The following ZNF417 variants were observed in gnomAD, a reference collection of about 807,000 sequenced individuals.
ZNF417 encodes the protein zinc finger protein 417.
A neutral mutation model predicts 7.4 loss-of-function variants in ZNF417; 5 were observed. The observed-to-expected ratio is 0.68, with a 90% confidence interval of 0.35 to 1.43. The LOEUF (loss-of-function observed/expected upper bound fraction) is 1.43, where lower values mean the gene tolerates loss of function less well. Among genes scored for constraint, ZNF417 ranks in the 40% most tolerant of loss-of-function variants. ZNF417 has a pLI of 0.04. For missense variants in ZNF417, 437 were observed against 697.3 expected (o/e 0.63, Z 4.20); for synonymous variants, 147 against 239.1 (o/e 0.61, Z 3.55).
Position 57,916,432 on chromosome 19 carries a change from G to A in ZNF417, c.-21C>T, listed in dbSNP as rs376922713. 2 of 1,613,878 alleles carry A rather than the reference G, an allele frequency of 1.2e-6. No individual in the cohort carries two copies. The highest frequency in any genetic ancestry group is 2.7e-5 in the African/African-American group (2 of 74,950). On this transcript the variant is annotated 5_prime_UTR_variant, in exon 1 of 3. Transcript: ENST00000312026. ...GCCATCGGACTACTTGGGGAAGCACGGCCCGGGAGCAGTGGTCGCCGTCAC... is the reference window on the plus strand; with the variant it reads ...GCCATCGGACTACTTGGGGAAGCACAGCCCGGGAGCAGTGGTCGCCGTCAC...
At position 57,910,305 on chromosome 19, in the gene ZNF417, G is replaced by C. The variant is rs541051597; in HGVS notation, c.164-191C>G. 3.3e-5 allele frequency among the ~76,000 whole-genome samples: 5 copies of C among 151,752 alleles called. No individual in the cohort carries two copies. The East Asian group carries it at 9.8e-4, about 30-fold the overall frequency. ...TCACGCCTGTAATCCCAGCACTTTG[G>C]GAGGCTGAGGCGGGTGGATCACCTG... On this transcript the variant is annotated intron_variant, in intron 2 of 2. Coordinates refer to ENST00000312026, the MANE Select transcript of ZNF417 (RefSeq NM_152475.3).
intron 1 of ZNF417, among the ~76,000 whole-genome samples, chr19:57,913,427 A>G (rs1275676612): frequency 6.6e-6 from 1 of 152,160 alleles, no homozygotes; most frequent in South Asian, 2.1e-4. Context: ...CCTCAGCTGT[A>G]GCAACCCTCC....
At chr19:57,915,564 C>A (rs1407283277) in intron 1 of ZNF417, 4 of 414,720 alleles carry the variant, frequency 9.6e-6, no homozygotes, top group African/African-American at 4.2e-5. Context: ...AGAAATCAGA[C>A]CTTACTGACT....
intron 2 of ZNF417, 70 bp from the exon 3 acceptor site, chr19:57,910,184 C>A: frequency 2.0e-6 from 3 of 1,535,812 alleles, no homozygotes; most frequent in Middle Eastern, 1.8e-4. Flanking sequence ...CCCACAAGTA[C>A]GTCTCACAAA....
In ZNF417 at chr19:57,909,018, T is replaced by A. The variant is rs1440477143; in HGVS notation, c.1260A>T (p.Arg420Ser). The change falls in exon 3 of 3, where the codon AGA becomes AGT. Residue 420 changes from arginine (R) to serine (S), a missense_variant. Arg to Ser is a moderately radical substitution (Grantham distance 110). Transcript: ENST00000312026. ...CKECGKSFRY[R>S]SHLTEHQRLH... ...GTCTCTGGTGTTCAGTGAGGTGGGA[T>A]CTGTACCTAAATGATTTCCCACATT... 3.1e-6 allele frequency: 5 copies of A among 1,612,612 alleles called. No individual in the cohort carries two copies. The highest frequency in any genetic ancestry group is 8.5e-7 in the Non-Finnish European group (1 of 1,179,008).
rs755830527 is a variant in ZNF417, at chr19:57,908,755, T to C, written c.1523A>G (p.His508Arg). 6.2e-7 allele frequency: 1 copy of C among 1,613,412 alleles called. No homozygotes were observed. The highest frequency in any genetic ancestry group is 8.5e-7 in the Non-Finnish European group (1 of 1,179,624). ...TCCAGAATGAACTCTTTTATGAACATGAAGCGCAGAGCTGGAAAGAAATGA... is the reference window on the plus strand; with the variant it reads ...TCCAGAATGAACTCTTTTATGAACACGAAGCGCAGAGCTGGAAAGAAATGA... ...GKSFLSSSAL[H>R]VHKRVHSGQK... Residue 508 changes from histidine (H) to arginine (R), a missense_variant, in exon 3 of 3, where the codon CAT becomes CGT. Coordinates refer to ENST00000312026, the MANE Select transcript of ZNF417 (RefSeq NM_152475.3).
At position 57,908,466 on chromosome 19, in the gene ZNF417, T is replaced by G; in HGVS notation, c.*84A>C. The G allele has an allele frequency of 6.2e-7, 1 of 1,602,730 alleles. No homozygotes were observed. Among genetic ancestry groups the G allele is most frequent in the Non-Finnish European group, 8.5e-7 (1 of 1,171,732 alleles). The stretch of plus-strand genomic sequence containing the variant: ...CTGATGTTTCCCAGATTGACAGCAC[T>G]CATAAGGCCTTTCTCCAGTATGAAC... On this transcript the variant is annotated 3_prime_UTR_variant, in exon 3 of 3. Transcript: ENST00000312026.
At position 57,908,985 on chromosome 19, in the gene ZNF417, A is replaced by G. The variant is rs1020769380; in HGVS notation, c.1293T>C (p.Thr431=). Residue 431 remains threonine, a synonymous_variant, in exon 3 of 3, where the codon ACT becomes ACC. Transcript: ENST00000312026. ...CCCTACAATTGTAAGGTCTTTCCCC[A>G]GTGTGAAGTCTCTGGTGTTCAGTGA... The part of the protein sequence containing the change: ...SHLTEHQRLH[T]GERPYNCREC... 6.2e-7 allele frequency: 1 copy of G among 1,613,928 alleles called. No individual in the cohort carries two copies. Among genetic ancestry groups the G allele is most frequent in the African/African-American group, 1.3e-5 (1 of 74,912 alleles).
In ZNF417 at chr19:57,916,488, G is replaced by A; in HGVS notation, c.-77C>T. 1.9e-6 allele frequency: 3 copies of A among 1,611,000 alleles called. No individual in the cohort carries two copies. The highest frequency in any genetic ancestry group is 1.7e-5 in the Admixed American group (1 of 59,594). ...TGCAGAGCCGCCTCTGGGCACCGAG[G>A]ACGATTCCTCTCCACCTTCTAGGTT... On this transcript the variant is annotated 5_prime_UTR_variant, in exon 1 of 3. Transcript: ENST00000312026.
chr19:57,912,650 C>G (rs1231256324), intron 1 of ZNF417, among the ~76,000 whole-genome samples: 1 of 152,068 alleles, frequency 6.6e-6, no homozygotes, highest in African/African-American at 2.4e-5. Context: ...GCTCTGTCAC[C>G]CAGGCTGGAG....
intron 2 of ZNF417, among the ~76,000 whole-genome samples, chr19:57,910,640 G>C (rs184400841): frequency 7.5e-4 from 114 of 152,222 alleles, no homozygotes; most frequent in African/African-American, 2.7e-3. Flanking sequence ...ATGATGTAAA[G>C]AGCACAAGCA....
intron 1 of ZNF417, chr19:57,915,510 A>C: frequency 4.1e-6 from 2 of 493,286 alleles, no homozygotes; most frequent in South Asian, 3.7e-5. Flanking sequence ...AAACAGGTGA[A>C]ACCGTCTTTG....
Position 57,906,992 on chromosome 19 carries a change from T to G in ZNF417, c.*1558A>C, listed in dbSNP as rs1021440864. The G allele has an allele frequency of 6.0e-5, 9 of 150,702 alleles. No homozygotes were observed. Among genetic ancestry groups the G allele is most frequent in the African/African-American group, 1.5e-4 (6 of 41,096 alleles). 9.3% of individuals were successfully genotyped at this position (150,702 alleles called of 1,614,324 possible). On this transcript the variant is annotated 3_prime_UTR_variant, in exon 3 of 3. Transcript: ENST00000312026. ...CCTCAGCCTCCCAAGCAGCTGGGAC[T>G]ACAGGCACCCACCACTATGCTTGGG...
Position 57,906,335 on chromosome 19 carries a change from C to T in ZNF417, c.*2215G>A, listed in dbSNP as rs376758600. ...TGCCTGTATGTGCTTATATAACATGCTGTAATACAAGGTGACATTTAGGGG... is the reference window on the plus strand; with the variant it reads ...TGCCTGTATGTGCTTATATAACATGTTGTAATACAAGGTGACATTTAGGGG... On this transcript the variant is annotated 3_prime_UTR_variant, in exon 3 of 3. Transcript: ENST00000312026. Among the ~76,000 whole-genome samples, 2 of 152,222 alleles carry T rather than the reference C, an allele frequency of 1.3e-5. No individual in the cohort carries two copies. The highest frequency in any genetic ancestry group is 3.9e-4 in the East Asian group (2 of 5,180).
intron 1 of ZNF417, chr19:57,915,576 C>T (rs1054450232): frequency 1.6e-5 from 6 of 385,630 alleles, no homozygotes; most frequent in Admixed American, 3.8e-5. Context: ...TTACTGACTC[C>T]GTCTTGCTTC....
At chr19:57,912,888 A>T (rs2071912375) in intron 1 of ZNF417, among the ~76,000 whole-genome samples, 1 of 152,038 alleles carries the variant, frequency 6.6e-6, no homozygotes, top group Non-Finnish European at 1.5e-5. Context: ...GTGAGATTAC[A>T]GGGGTGGGTC....
chr19:57,916,437 G>A lies in ZNF417; in HGVS notation c.-26C>T, dbSNP rs745776968. 20 of 1,613,904 alleles carry A rather than the reference G, an allele frequency of 1.2e-5. No homozygotes were observed. Among genetic ancestry groups the A allele is most frequent in the South Asian group, 6.6e-5 (6 of 91,068 alleles). On this transcript the variant is annotated 5_prime_UTR_variant, in exon 1 of 3. Coordinates refer to ENST00000312026, the MANE Select transcript of ZNF417 (RefSeq NM_152475.3). ...CGGACTACTTGGGGAAGCACGGCCC[G>A]GGAGCAGTGGTCGCCGTCACGGGGC... is the stretch of plus-strand genomic sequence containing the variant.
At position 57,912,027 on chromosome 19, in the gene ZNF417, C is replaced by T. The variant is rs189424673; in HGVS notation, c.163+33G>A. On this transcript the variant is annotated intron_variant, in intron 2 of 2. Coordinates refer to ENST00000312026, the MANE Select transcript of ZNF417 (RefSeq NM_152475.3). ...AAAAACAGGGGAACAGTAACACTAG[C>T]TCAGGTCACAAAGGTGAGCGTGAGC... 9.1e-5 allele frequency: 141 copies of T among 1,543,536 alleles called. 1 individual carries two copies. The East Asian group carries it at 2.5e-3, about 28-fold the overall frequency.
chr19:57,913,600 G>A (rs2071918629), intron 1 of ZNF417, among the ~76,000 whole-genome samples: 1 of 152,208 alleles, frequency 6.6e-6, no homozygotes, highest in Admixed American at 6.5e-5. Context: ...AATCCAGACA[G>A]TGATAAATAG....
Sources: allele counts gnomAD v4.1 joint callset (sites outside exome capture counted in the v4.1 genomes callset), GRCh38; gene constraint gnomAD v4.1.1; transcripts MANE v1.5; gene names NCBI Gene and HGNC (gene_info 2026-07-23, HGNC 2026-07-21).